The following MINDY2 variants were observed in gnomAD, a reference collection of about 807,000 sequenced individuals.
MINDY2 encodes MINDY lysine 48 deubiquitinase 2.
A neutral mutation model predicts 68.2 loss-of-function variants in MINDY2; 52 were observed. That is an observed-to-expected ratio of 0.76 (90% CI 0.61 to 0.96). The LOEUF (loss-of-function observed/expected upper bound fraction) is 0.96, where lower values mean the gene tolerates loss of function less well. Among genes scored for constraint, MINDY2 ranks in the 40% least tolerant of loss-of-function variants. The probability of loss-of-function intolerance (pLI) is 0.00; values close to 1 mark genes in which losing one functional copy is unlikely to be tolerated. For synonymous variants in MINDY2, 372 were observed against 303.0 expected, an observed-to-expected ratio of 1.23 and a Z score of -2.36; for missense variants, 881 against 773.4, an observed-to-expected ratio of 1.14 and a Z score of -1.65.
chr15:58,780,310 A>C (rs1344276236), intron 1 of MINDY2, among the ~76,000 whole-genome samples: 1 of 152,112 alleles, frequency 6.6e-6, no homozygotes, highest in Admixed American at 6.6e-5. Context: ...AGGCTGAGGC[A>C]GGAGAATCAC....
rs2033121002 is a variant in MINDY2 at position 58,858,272 on chromosome 15, A to G, written c.*3662A>G. On this transcript the variant is annotated 3_prime_UTR_variant, in exon 9 of 9. Coordinates refer to ENST00000559228, the MANE Select transcript of MINDY2 (RefSeq NM_001040450.3). ...ATATATCTTGTTTTTATTGTCTCAC[A>G]TTTCTGATATTGACTACTTATCCCA... is the stretch of plus-strand genomic sequence containing the variant. 1 of 152,128 alleles carries G rather than the reference A, an allele frequency of 6.6e-6. No homozygotes were observed. Among genetic ancestry groups the G allele is most frequent in the African/African-American group, 2.4e-5 (1 of 41,440 alleles). 9.4% of individuals were successfully genotyped at this position (152,128 alleles called of 1,614,324 possible). A position where few individuals can be genotyped will look rare whatever the true frequency, so the allele number is the denominator to read the frequency against.
intron 7 of MINDY2, among the ~76,000 whole-genome samples, chr15:58,848,510 G>A (rs531729786): frequency 1.2e-4 from 19 of 152,236 alleles, no homozygotes; most frequent in African/African-American, 3.6e-4. Flanking sequence ...TTGGGAGGCC[G>A]AGGCGGGTAG....
chr15:58,840,073 G>A (rs902176569), intron 6 of MINDY2, among the ~76,000 whole-genome samples: 9 of 151,972 alleles, frequency 5.9e-5, no homozygotes, highest in African/African-American at 2.2e-4. Flanking sequence ...ACCTCAGGCA[G>A]TCTGCCCGCC....
chr15:58,803,024 C>A (rs546551657), intron 3 of MINDY2, among the ~76,000 whole-genome samples: 1 of 152,210 alleles, frequency 6.6e-6, no homozygotes, highest in Admixed American at 6.5e-5. Flanking sequence ...AAAGAGACAT[C>A]GTTGGAACCT....
chr15:58,801,949 T>A (rs1327751000), intron 2 of MINDY2, among the ~76,000 whole-genome samples: 1 of 152,220 alleles, frequency 6.6e-6, no homozygotes, highest in African/African-American at 2.4e-5. Context: ...TACTTCTCAG[T>A]GTTGCAGACA....
intron 7 of MINDY2, among the ~76,000 whole-genome samples, chr15:58,848,780 A>G (rs1426458698): frequency 3.3e-5 from 5 of 152,228 alleles, no homozygotes; most frequent in African/African-American, 1.2e-4. Context: ...TCAAACAAAT[A>G]TGCATCTTTC....
At chr15:58,852,956 T>G (rs1192914897) in intron 8 of MINDY2, among the ~76,000 whole-genome samples, 7 of 43,762 alleles carry the variant, frequency 1.6e-4, no homozygotes, top group East Asian at 1.6e-3. Flanking sequence ...TTTTTTTTTT[T>G]TTTTTTTTTT....
chr15:58,847,746 A>G (rs570869240), intron 7 of MINDY2, among the ~76,000 whole-genome samples: 2 of 152,332 alleles, frequency 1.3e-5, no homozygotes, highest in African/African-American at 4.8e-5. Context: ...TTAAACACAG[A>G]AGTGATGGGA....
chr15:58,857,444 G>C lies in MINDY2; in HGVS notation c.*2834G>C, dbSNP rs2033095174. On this transcript the variant is annotated 3_prime_UTR_variant, in exon 9 of 9. Coordinates refer to ENST00000559228, the MANE Select transcript of MINDY2 (RefSeq NM_001040450.3). ...AGCTACTTGGGAGGCTGAGGCAGGA[G>C]AATCGCTTGAACCCAGGAGGCAGTG... The C allele has an allele frequency of 7.0e-6, 1 of 143,790 alleles. No homozygotes were observed. Among genetic ancestry groups the C allele is most frequent in the Non-Finnish European group, 1.5e-5 (1 of 67,102 alleles). 8.9% of individuals were successfully genotyped at this position (143,790 alleles called of 1,614,324 possible).
chr15:58,803,468 T>TAA lies in MINDY2; in HGVS notation c.963+1105_963+1106dup, dbSNP rs542134628. Among the ~76,000 whole-genome samples, 174 of 122,984 alleles carry TAA rather than the reference T, an allele frequency of 1.4e-3. 3 individuals carry two copies. Among genetic ancestry groups the TAA allele is most frequent in the African/African-American group, 3.4e-3 (114 of 33,848 alleles). 80.7% of individuals were successfully genotyped at this position (122,984 alleles called of 152,430 possible). ...GGTGACAGAGCAAGACTCTGTCTCA[T>TAA]AAAAAAAAAAAAAAAGAAGAAGAAT... On this transcript the variant is annotated intron_variant, in intron 3 of 8. Transcript: ENST00000559228.
At chr15:58,806,672 G>A (rs1375655069) in intron 3 of MINDY2, among the ~76,000 whole-genome samples, 2 of 152,104 alleles carry the variant, frequency 1.3e-5, no homozygotes, top group Non-Finnish European at 2.9e-5. Flanking sequence ...GCCCCTAAAG[G>A]AAGTTGGGTG....
chr15:58,782,911 GTTTTTT>G (rs1157376592), intron 1 of MINDY2, among the ~76,000 whole-genome samples: 141 of 64,486 alleles, frequency 2.2e-3, no homozygotes, highest in Admixed American at 7.0e-3. Flanking sequence ...TTTTCTCTCT[GTTTTTT>G]TTTTTTTTTT....
chr15:58,859,332 T>C lies in MINDY2; in HGVS notation c.*4722T>C, dbSNP rs1193842325. 2 of 152,152 alleles carry C rather than the reference T, an allele frequency of 1.3e-5. No individual in the cohort carries two copies. The highest frequency in any genetic ancestry group is 4.8e-5 in the African/African-American group (2 of 41,456). 9.4% of individuals were successfully genotyped at this position (152,152 alleles called of 1,614,324 possible). On this transcript the variant is annotated 3_prime_UTR_variant, in exon 9 of 9. Coordinates refer to ENST00000559228, the MANE Select transcript of MINDY2 (RefSeq NM_001040450.3). The stretch of plus-strand genomic sequence containing the variant: ...GGTATCAAATTACTAATACAGTATA[T>C]AAACTTCGTTTGCATTGGTGGAATT...
intron 2 of MINDY2, among the ~76,000 whole-genome samples, chr15:58,798,379 ACT>A (rs1331081892): frequency 6.8e-6 from 1 of 147,768 alleles, no homozygotes; most frequent in Non-Finnish European, 1.5e-5. Context: ...CCCACCTTAC[ACT>A]CTCAAAGTGC....
chr15:58,831,039 G>GTATATATATATATA (rs1247362730), intron 5 of MINDY2, among the ~76,000 whole-genome samples: 12 of 109,568 alleles, frequency 1.1e-4, no homozygotes, highest in African/African-American at 1.2e-4. Context: ...GTGTGTGTGT[G>GTATATATATATATA]TGTATATATA....
At chr15:58,778,885 T>C (rs1267861340) in intron 1 of MINDY2, among the ~76,000 whole-genome samples, 2 of 146,986 alleles carry the variant, frequency 1.4e-5, no homozygotes, top group Non-Finnish European at 3.0e-5. Context: ...CGATCTTGGC[T>C]CACTGCAACC....
At chr15:58,803,010 G>A (rs950650916) in intron 3 of MINDY2, among the ~76,000 whole-genome samples, 1 of 152,200 alleles carries the variant, frequency 6.6e-6, no homozygotes, top group African/African-American at 2.4e-5. Context: ...ATTAGCCAGG[G>A]AAGAAAGAGA....
intron 1 of MINDY2, among the ~76,000 whole-genome samples, chr15:58,784,603 TTTTC>T (rs1260491590): frequency 2.6e-5 from 4 of 151,460 alleles, no homozygotes; most frequent in South Asian, 2.1e-4. Context: ...TTTTTCTTTC[TTTTC>T]TTTCTTTCTT....
chr15:58,791,495 T>C (rs1901914565), intron 2 of MINDY2, among the ~76,000 whole-genome samples: 1 of 151,436 alleles, frequency 6.6e-6, no homozygotes, highest in Non-Finnish European at 1.5e-5. Flanking sequence ...TGTGCACCTG[T>C]AGTCCCAGCT....
Sources: gnomAD v4.1 joint callset for allele counts (sites outside exome capture counted in the v4.1 genomes callset) on GRCh38, gnomAD v4.1.1 for gene constraint, MANE v1.5 for transcripts, NCBI Gene and HGNC (gene_info 2026-07-23, HGNC 2026-07-21) for gene names.